Variants in ZNF285 observed in about 807,000 individuals in gnomAD.
The protein encoded by ZNF285 is zinc finger protein 285A.
A neutral mutation model predicts 6.2 loss-of-function variants in ZNF285; 4 were observed. That is an observed-to-expected ratio of 0.65 (90% CI 0.32 to 1.49). ZNF285 has a LOEUF of 1.49. Among genes scored for constraint, ZNF285 ranks in the 40% most tolerant of loss-of-function variants. The probability of loss-of-function intolerance (pLI) is 0.07; values close to 1 mark genes in which losing one functional copy is unlikely to be tolerated. For missense variants in ZNF285, 695 were observed against 708.8 expected, an observed-to-expected ratio of 0.98 and a Z score of 0.22; for synonymous variants, 240 against 245.8, an observed-to-expected ratio of 0.98 and a Z score of 0.22.
intron 3 of ZNF285, among the ~76,000 whole-genome samples, chr19:44,388,424 A>T (rs1194086140): frequency 1.3e-5 from 2 of 151,000 alleles, no homozygotes; most frequent in African/African-American, 5.0e-5. Context: ...CTACAAAAAA[A>T]TTAAAAATTG....
chr19:44,383,432 G>C lies in ZNF285; in HGVS notation c.*3040C>G, dbSNP rs1260412746. On this transcript the variant is annotated 3_prime_UTR_variant, in exon 4 of 4. Transcript: ENST00000614994. Reference sequence around the variant, plus strand: ...GGACCAACCCTCGATTGGTCTTCTGGAGGGTGAGAGACCATGATGACAGAG... The same window carrying C: ...GGACCAACCCTCGATTGGTCTTCTGCAGGGTGAGAGACCATGATGACAGAG... 6.6e-6 allele frequency: 1 copy of C among 152,140 alleles called. No individual in the cohort carries two copies. Among genetic ancestry groups the C allele is most frequent in the Non-Finnish European group, 1.5e-5 (1 of 68,044 alleles). The allele number at this position is 152,140 out of a possible 1,614,324, so 9.4% of individuals were successfully genotyped here. A position where few individuals can be genotyped will look rare whatever the true frequency, so the allele number is the denominator to read the frequency against.
chr19:44,386,805 T>A lies in ZNF285; in HGVS notation c.1440A>T (p.Gly480=). Residue 480 remains glycine (G), a synonymous_variant, in exon 4 of 4, where the codon GGA becomes GGT. Transcript: ENST00000614994. ...VLHTHQRVHT[G]EKPYKCEVCG... is the part of the protein sequence containing the mutation. Reference sequence around the variant, plus strand: ...ACACTTCACATTTATATGGTTTTTCTCCAGTGTGAACTCTCTGATGAGTGT... The same window carrying A: ...ACACTTCACATTTATATGGTTTTTCACCAGTGTGAACTCTCTGATGAGTGT... The A allele has an allele frequency of 6.2e-7, 1 of 1,614,228 alleles. No individual in the cohort carries two copies. The highest frequency in any genetic ancestry group is 8.5e-7 in the Non-Finnish European group (1 of 1,180,044).
Position 44,387,544 on chromosome 19 carries a change from C to G in ZNF285, c.701G>C (p.Cys234Ser). ...AAHVLPQPFP[C>S]NNCGVAFADD... ...TGCAAAGGCCACCCCACAGTTATTA[C>G]ATGGGAAAGGCTGTGGTAATACATG... The change falls in exon 4 of 4, where the codon TGT (cysteine) becomes TCT (serine). Residue 234 changes from cysteine to serine, a missense_variant. Physicochemically the swap from Cys to Ser is moderately radical, Grantham distance 112. Transcript: ENST00000614994. 6.2e-7 allele frequency: 1 copy of G among 1,613,966 alleles called. No homozygotes were observed. Among genetic ancestry groups the G allele is most frequent in the Non-Finnish European group, 8.5e-7 (1 of 1,179,872 alleles).
intron 1 of ZNF285, among the ~76,000 whole-genome samples, chr19:44,397,818 C>T: frequency 6.7e-6 from 1 of 149,270 alleles, no homozygotes; most frequent in African/African-American, 2.5e-5. Context: ...GCAGAGGCTG[C>T]AGTGAGCTGT....
intron 3 of ZNF285, chr19:44,392,078 G>A (rs894581839): frequency 7.2e-6 from 7 of 971,866 alleles, no homozygotes; most frequent in Middle Eastern, 3.6e-4. Flanking sequence ...GTGTGAGTAG[G>A]GGAGGGAGGG....
chr19:44,387,200 AT>A lies in ZNF285; in HGVS notation c.1044del (p.Glu348AspfsTer216). ...GACCTAAATCCAAACCCTTTCCCAC[AT>A]TCATCGCATTTGTAGGGCATCTCCC... is the stretch of plus-strand genomic sequence containing the variant. ...HTGEMPYKCDECGKGFGFRSL... is the reference protein window; with the variant it reads ...HTGEMPYKCDXCGKGFGFRSL... On this transcript the variant is annotated frameshift_variant, in exon 4 of 4. Transcript: ENST00000614994. LOFTEE classifies it low-confidence loss of function (END_TRUNC). 6.2e-7 allele frequency: 1 copy of A among 1,613,948 alleles called. No homozygotes were observed. Among genetic ancestry groups the A allele is most frequent in the Non-Finnish European group, 8.5e-7 (1 of 1,179,972 alleles).
rs140969436 is a variant in ZNF285, at chr19:44,395,528, T to G, written c.15+1671A>C. Among the ~76,000 whole-genome samples, 291 of 152,270 alleles carry G rather than the reference T, an allele frequency of 1.9e-3. 3 individuals are homozygous for G. Among genetic ancestry groups the G allele is most frequent in the African/African-American group, 6.7e-3 (277 of 41,536 alleles). ...TGAACAAACCAACTGTTAAAAAATT[T>G]TTTGAGATAATCAGGGAAATTTGAT... On this transcript the variant is annotated intron_variant, in intron 2 of 3. Transcript: ENST00000614994.
chr19:44,390,265 C>G (rs1166177247), intron 3 of ZNF285, among the ~76,000 whole-genome samples: 2 of 152,154 alleles, frequency 1.3e-5, no homozygotes, highest in African/African-American at 4.8e-5. Context: ...AGAAGGGAGG[C>G]TATACTCTGC....
intron 3 of ZNF285, among the ~76,000 whole-genome samples, chr19:44,388,748 G>T (rs1971142428): frequency 6.9e-6 from 1 of 143,994 alleles, no homozygotes; most frequent in South Asian, 2.1e-4. Flanking sequence ...CATATTGATG[G>T]AGTGTTTTTT....
At chr19:44,400,689 C>T (rs1399148313) in intron 1 of ZNF285, among the ~76,000 whole-genome samples, 2 of 152,114 alleles carry the variant, frequency 1.3e-5, no homozygotes, top group African/African-American at 4.8e-5. Context: ...ATTCTCCTGC[C>T]TCAGCCTCCC....
rs1253565795 is a variant in ZNF285, at chr19:44,382,491, G to A, written c.*3981C>T. On this transcript the variant is annotated 3_prime_UTR_variant, in exon 4 of 4. Transcript: ENST00000614994. Reference sequence around the variant, plus strand: ...TTTTGTGTATTTTTAGTAGAGACGGGGTTTCACTATGTTGGCCAGGCTGGT... The same window carrying A: ...TTTTGTGTATTTTTAGTAGAGACGGAGTTTCACTATGTTGGCCAGGCTGGT... 1.3e-5 allele frequency: 2 copies of A among 151,722 alleles called. No individual in the cohort carries two copies. The highest frequency in any genetic ancestry group is 4.8e-5 in the African/African-American group (2 of 41,262). 9.4% of individuals were successfully genotyped at this position (151,722 alleles called of 1,614,324 possible).
At chr19:44,395,191 C>T (rs1452153133) in intron 2 of ZNF285, among the ~76,000 whole-genome samples, 1 of 151,960 alleles carries the variant, frequency 6.6e-6, no homozygotes, top group Admixed American at 6.5e-5. Context: ...TAAACACATG[C>T]AAAAATCTTT....
At chr19:44,392,184 T>C in intron 3 of ZNF285, 156 bp downstream of exon 3, 5 of 1,497,922 alleles carry the variant, frequency 3.3e-6, no homozygotes, top group Non-Finnish European at 4.4e-6. Context: ...CTGTAAAAGC[T>C]CATTAACTGT....
chr19:44,396,093 A>C (rs906732384), intron 2 of ZNF285, among the ~76,000 whole-genome samples: 6 of 152,156 alleles, frequency 3.9e-5, no homozygotes, highest in African/African-American at 1.4e-4. Context: ...AGCAGGATAA[A>C]AGTGTGAACT....
intron 3 of ZNF285, among the ~76,000 whole-genome samples, chr19:44,388,613 T>A (rs2722641): frequency 0.059 from 8,911 of 151,032 alleles, 917 homozygotes; most frequent in African/African-American, 0.21. Flanking sequence ...CTTAGGAAAA[T>A]TTTATGAAGG....
chr19:44,390,559 T>C (rs1172575396), intron 3 of ZNF285, among the ~76,000 whole-genome samples: 1 of 152,146 alleles, frequency 6.6e-6, no homozygotes. Context: ...ACTTGGCTTG[T>C]CTCCGATGAG....
In ZNF285 at chr19:44,387,573, C is replaced by T. The variant is rs116265054; in HGVS notation, c.672G>A (p.Ala224=). The T allele has an allele frequency of 1.5e-3, 2,354 of 1,613,868 alleles. 24 individuals carry two copies. In the African/African-American group the frequency reaches 0.026, roughly 18 times the overall value. Residue 224 remains alanine, a synonymous_variant, in exon 4 of 4, where the codon GCG becomes GCA. Transcript: ENST00000614994. The stretch of plus-strand genomic sequence containing the variant: ...GGAAAGGCTGTGGTAATACATGGGC[C>T]GCATTACGTTTTTCAACCGTTGATT... The part of the protein sequence containing the change: ...GMKSTVEKRN[A]AHVLPQPFPC...
chr19:44,399,240 T>A (rs1194226832), intron 1 of ZNF285, among the ~76,000 whole-genome samples: 2 of 146,796 alleles, frequency 1.4e-5, no homozygotes, highest in Non-Finnish European at 2.9e-5. Context: ...TTAAGAGACA[T>A]CATTAATCAC....
intron 1 of ZNF285, among the ~76,000 whole-genome samples, chr19:44,400,787 T>C (rs1257636226): frequency 1.3e-5 from 2 of 152,086 alleles, no homozygotes; most frequent in Non-Finnish European, 2.9e-5. Context: ...TTCACCGTGT[T>C]AGCCAGGATG....
Sources: allele counts gnomAD v4.1 joint callset (sites outside exome capture counted in the v4.1 genomes callset), GRCh38; gene constraint gnomAD v4.1.1; transcripts MANE v1.5; gene names NCBI Gene and HGNC (gene_info 2026-07-23, HGNC 2026-07-21).